Variants in NAALADL2 observed in about 807,000 individuals in gnomAD.
NAALADL2 encodes inactive N-acetylated-alpha-linked acidic dipeptidase-like protein 2.
In NAALADL2, 76 loss-of-function variants were observed where a neutral mutation model predicts 87.2. The observed-to-expected ratio is 0.87, with a 90% CI of 0.72 to 1.05. NAALADL2 has a LOEUF of 1.05. Among genes scored for constraint, NAALADL2 ranks in the 50% least tolerant of loss-of-function variants. The pLI is 0.00. For missense variants in NAALADL2, 1,089 were observed against 945.8 expected (o/e 1.15, Z -1.99); for synonymous variants, 354 against 331.0 (o/e 1.07, Z -0.75).
chr3:175,315,628 G>T (rs1176463981), intron 4 of NAALADL2, among the ~76,000 whole-genome samples: 1 of 152,114 alleles, frequency 6.6e-6, no homozygotes, highest in East Asian at 1.9e-4. Flanking sequence ...TATACATGCA[G>T]CAGCATATTT....
At chr3:175,517,838 T>C (rs545875498) in intron 9 of NAALADL2, among the ~76,000 whole-genome samples, 5 of 152,264 alleles carry the variant, frequency 3.3e-5, no homozygotes, top group Non-Finnish European at 5.9e-5. Flanking sequence ...CCGGATTTTA[T>C]AGACAGGCTT....
chr3:175,769,499 C>T (rs956283026), intron 13 of NAALADL2, among the ~76,000 whole-genome samples: 1 of 152,136 alleles, frequency 6.6e-6, no homozygotes, highest in Non-Finnish European at 1.5e-5. Context: ...CCTTTAATAT[C>T]TCATTATAGG....
intron 1 of NAALADL2, among the ~76,000 whole-genome samples, chr3:174,872,327 C>T (rs1481168197): frequency 6.6e-6 from 1 of 152,082 alleles, no homozygotes; most frequent in Non-Finnish European, 1.5e-5. Context: ...CTCCATTTTA[C>T]AGAAGGCTCC....
chr3:174,498,577 A>G (rs1019914185), intron 1 of NAALADL2, among the ~76,000 whole-genome samples: 1 of 150,740 alleles, frequency 6.6e-6, no homozygotes, highest in Non-Finnish European at 1.5e-5. Flanking sequence ...GCAGGATTGC[A>G]TAATATGTAT....
In NAALADL2 at chr3:175,140,385, C is replaced by CTGGGAATGAGAATT. The variant is rs1192402879; in HGVS notation, c.545+43095_545+43108dup. 1.8e-4 allele frequency among the ~76,000 whole-genome samples: 28 copies of CTGGGAATGAGAATT among 152,164 alleles called. 1 individual carries two copies. The highest frequency in any genetic ancestry group is 9.2e-4 in the Admixed American group (14 of 15,266). ...CTGTCCTCAGAGAGCTTATAGTCTT[C>CTGGGAATGAGAATT]TGGGAATGAGAATTATGCAACACAC... On this transcript the variant is annotated intron_variant, in intron 2 of 13. Coordinates refer to ENST00000454872, the MANE Select transcript of NAALADL2 (RefSeq NM_207015.3).
chr3:174,669,900 T>C (rs569936), intron 2 of NAALADL2, among the ~76,000 whole-genome samples: 121,678 of 151,112 alleles, frequency 0.81, 49,102 homozygotes, highest in East Asian at 0.93. Flanking sequence ...TTTGTGTCTT[T>C]TTTAATTTCT....
intron 2 of NAALADL2, among the ~76,000 whole-genome samples, chr3:174,712,033 C>T (rs1730683851): frequency 1.3e-5 from 2 of 152,124 alleles, no homozygotes; most frequent in South Asian, 4.2e-4. Context: ...GTGATCCACC[C>T]ACCTCGGCCT....
At chr3:174,779,450 T>C (rs1009103318) in intron 3 of NAALADL2, among the ~76,000 whole-genome samples, 4 of 152,230 alleles carry the variant, frequency 2.6e-5, no homozygotes, top group African/African-American at 9.6e-5. Context: ...TGATAGTTTC[T>C]TTTACTGTGC....
chr3:174,870,307 A>G (rs1391117042), intron 1 of NAALADL2, among the ~76,000 whole-genome samples: 1 of 152,172 alleles, frequency 6.6e-6, no homozygotes, highest in African/African-American at 2.4e-5. Flanking sequence ...TTTGAAAAGC[A>G]ATGGAACACC....
intron 3 of NAALADL2, among the ~76,000 whole-genome samples, chr3:174,828,919 G>C (rs751706936): frequency 2.6e-5 from 4 of 152,082 alleles, no homozygotes; most frequent in Non-Finnish European, 4.4e-5. Context: ...TGTGATTTGG[G>C]AAATACTTCA....
intron 3 of NAALADL2, among the ~76,000 whole-genome samples, chr3:174,838,144 C>A (rs538955505): frequency 6.6e-6 from 1 of 151,900 alleles, no homozygotes; most frequent in Non-Finnish European, 1.5e-5. Flanking sequence ...GATAATACAC[C>A]GTGATCAAGT....
intron 3 of NAALADL2, among the ~76,000 whole-genome samples, chr3:175,253,727 A>T (rs12633712): frequency 6.6e-6 from 1 of 152,006 alleles, no homozygotes; most frequent in Non-Finnish European, 1.5e-5. Flanking sequence ...GAGCAGGTCA[A>T]AATATCAGCA....
intron 13 of NAALADL2, 84 bp from the exon 14 acceptor site, chr3:175,802,917 CACTG>C (rs1560033193): frequency 3.3e-5 from 26 of 794,222 alleles, no homozygotes; most frequent in East Asian, 2.8e-5. Context: ...TTGAAAACAT[CACTG>C]ACTCTTAGAA....
intron 13 of NAALADL2, among the ~76,000 whole-genome samples, chr3:175,759,026 A>C (rs553025582): frequency 2.0e-5 from 3 of 152,302 alleles, no homozygotes; most frequent in Admixed American, 6.5e-5. Context: ...AAACACTGGA[A>C]TATATTATTT....
chr3:175,552,067 A>T (rs1262574370), intron 9 of NAALADL2, among the ~76,000 whole-genome samples: 2 of 152,170 alleles, frequency 1.3e-5, no homozygotes, highest in Non-Finnish European at 2.9e-5. Flanking sequence ...ATGTGTATAT[A>T]TAAAATATGT....
chr3:174,764,985 C>T (rs1440065365), intron 3 of NAALADL2, among the ~76,000 whole-genome samples: 2 of 152,014 alleles, frequency 1.3e-5, no homozygotes, highest in African/African-American at 4.8e-5. Flanking sequence ...GTACATGTTA[C>T]TTTCTACCTT....
At chr3:175,249,119 T>G (rs1163395049) in intron 3 of NAALADL2, among the ~76,000 whole-genome samples, 1 of 152,156 alleles carries the variant, frequency 6.6e-6, no homozygotes, top group Non-Finnish European at 1.5e-5. Flanking sequence ...ATTTTTTGTG[T>G]GCGTATATGA....
chr3:175,475,081 A>G (rs1379740612), intron 9 of NAALADL2, among the ~76,000 whole-genome samples: 3 of 151,300 alleles, frequency 2.0e-5, no homozygotes, highest in Non-Finnish European at 4.4e-5. Flanking sequence ...ATTATATATT[A>G]TATATTTATT....
chr3:175,678,808 G>A (rs1735196504), intron 11 of NAALADL2, among the ~76,000 whole-genome samples: 1 of 152,092 alleles, frequency 6.6e-6, no homozygotes, highest in Non-Finnish European at 1.5e-5. Flanking sequence ...CACCAACATG[G>A]CACATGTATA....
Sources: gnomAD v4.1 joint callset for allele counts (sites outside exome capture counted in the v4.1 genomes callset) on GRCh38, gnomAD v4.1.1 for gene constraint, MANE v1.5 for transcripts, NCBI Gene and HGNC (gene_info 2026-07-23, HGNC 2026-07-21) for gene names.